Variants in TMEM33 observed in about 807,000 individuals in gnomAD.
TMEM33 encodes the protein transmembrane protein 33.
Under a neutral mutation model 29.7 loss-of-function variants are expected in TMEM33, and 16 were observed. The ratio of observed to expected loss-of-function variants is 0.54; its 90% CI spans 0.36 to 0.82. The LOEUF (loss-of-function observed/expected upper bound fraction) is 0.82, where lower values mean the gene tolerates loss of function less well. TMEM33 is among the 40% of genes least tolerant of loss of function. TMEM33 has a pLI of 0.00. For missense variants in TMEM33, 252 were observed against 295.3 expected (o/e 0.85, Z 1.08); for synonymous variants, 112 against 109.4 (o/e 1.02, Z -0.15).
At chr4:41,954,017 C>A in intron 6 of TMEM33, 53 bp from the exon 7 acceptor site, 1 of 1,600,614 alleles carries the variant, frequency 6.2e-7, no homozygotes, top group South Asian at 1.1e-5. Context: ...TGAGGTAAGC[C>A]TGTGTATTGC....
chr4:41,938,542 T>G, intron 1 of TMEM33, 60 bp from the exon 2 acceptor site: 1 of 1,487,752 alleles, frequency 6.7e-7, no homozygotes, highest in East Asian at 2.3e-5. Flanking sequence ...CCACACAGTC[T>G]TGATGCTTAA....
At chr4:41,949,830 G>A (rs1384439736) in intron 6 of TMEM33, among the ~76,000 whole-genome samples, 1 of 152,120 alleles carries the variant, frequency 6.6e-6, no homozygotes, top group Non-Finnish European at 1.5e-5. Context: ...ATGAGCCCAG[G>A]AAGGTTTCAC....
At position 41,955,800 on chromosome 4, in the gene TMEM33, G is replaced by A. The variant is rs1462751353; in HGVS notation, c.*1601G>A. 2 of 152,564 alleles carry A rather than the reference G, an allele frequency of 1.3e-5. No individual in the cohort carries two copies. Among genetic ancestry groups the A allele is most frequent in the African/African-American group, 4.8e-5 (2 of 41,424 alleles). The allele number at this position is 152,564 out of a possible 1,614,324, so 9.5% of individuals were successfully genotyped here. A position where few individuals can be genotyped will look rare whatever the true frequency, so the allele number is the denominator to read the frequency against. On this transcript the variant is annotated 3_prime_UTR_variant, in exon 7 of 7. Coordinates refer to ENST00000504986, the MANE Select transcript of TMEM33 (RefSeq NM_018126.3). ...TCTAGAGCAATAAAATGACTATAAT[G>A]TTAAGTAAACATAATGTTGATTTCT...
At position 41,955,991 on chromosome 4, in the gene TMEM33, T is replaced by A. The variant is rs1713245405; in HGVS notation, c.*1792T>A. 4 of 152,304 alleles carry A rather than the reference T, an allele frequency of 2.6e-5. No individual in the cohort carries two copies. The allele number at this position is 152,304 out of a possible 1,614,324, so 9.4% of individuals were successfully genotyped here. On this transcript the variant is annotated 3_prime_UTR_variant, in exon 7 of 7. Transcript: ENST00000504986. ...AGAGTTTTTTTGTTGTTGTTTTTGT[T>A]TTTTGAGACAGAGTCTGTCTCTGTC...
intron 3 of TMEM33, among the ~76,000 whole-genome samples, chr4:41,943,043 G>A (rs939847730): frequency 2.0e-5 from 3 of 152,164 alleles, no homozygotes; most frequent in African/African-American, 7.2e-5. Flanking sequence ...GATTGTGAAA[G>A]CACTGTAAAA....
At chr4:41,943,613 TATC>T (rs1167894427) in intron 3 of TMEM33, 131 bp from the exon 4 acceptor site, 1 of 685,258 alleles carries the variant, frequency 1.5e-6, no homozygotes, top group African/African-American at 1.8e-5. Flanking sequence ...GCTTAAAGTG[TATC>T]AGTAAAACAA....
chr4:41,944,951 G>A (rs1442490505), intron 5 of TMEM33, 25 bp downstream of exon 5: 6 of 1,606,158 alleles, frequency 3.7e-6, no homozygotes, highest in Non-Finnish European at 3.4e-6. Context: ...TATTTGTTTT[G>A]GGAGGCTGAT....
rs1713176187 is a variant in TMEM33, at chr4:41,954,447, G to GT, written c.*255dup. The GT allele has an allele frequency of 1.6e-5, 4 of 254,134 alleles. No individual in the cohort carries two copies. The highest frequency in any genetic ancestry group is 1.0e-4 in the Admixed American group (2 of 19,214). The allele number at this position is 254,134 out of a possible 1,614,324, so 15.7% of individuals were successfully genotyped here. A position where few individuals can be genotyped will look rare whatever the true frequency, so the allele number is the denominator to read the frequency against. ...TCTGTATCTAGTGATAAATATACCA[G>GT]TTTTTTTAAAAAGATGCTGTTGTGC... On this transcript the variant is annotated 3_prime_UTR_variant, in exon 7 of 7. Coordinates refer to ENST00000504986, the MANE Select transcript of TMEM33 (RefSeq NM_018126.3).
Position 41,959,755 on chromosome 4 carries a change from A to G in TMEM33, c.*5556A>G, listed in dbSNP as rs984181850. On this transcript the variant is annotated 3_prime_UTR_variant, in exon 7 of 7. Coordinates refer to ENST00000504986, the MANE Select transcript of TMEM33 (RefSeq NM_018126.3). ...ATCGGTGAAGTGTTGAGCAAGTAACATTTATGATGTGTGTATATTGGAACA... is the reference window on the plus strand; with the variant it reads ...ATCGGTGAAGTGTTGAGCAAGTAACGTTTATGATGTGTGTATATTGGAACA... 1 of 152,198 alleles carries G rather than the reference A, an allele frequency of 6.6e-6. No individual in the cohort carries two copies. The highest frequency in any genetic ancestry group is 6.5e-5 in the Admixed American group (1 of 15,284). 9.4% of individuals were successfully genotyped at this position (152,198 alleles called of 1,614,324 possible). A position where few individuals can be genotyped will look rare whatever the true frequency, so the allele number is the denominator to read the frequency against.
At chr4:41,939,533 C>T in intron 3 of TMEM33, 150 bp downstream of exon 3, 2 of 866,452 alleles carry the variant, frequency 2.3e-6, no homozygotes, top group South Asian at 3.4e-5. Context: ...GTAAGAATTT[C>T]TGACTTTAAA....
chr4:41,954,445 C>A lies in TMEM33; in HGVS notation c.*246C>A. ...AGTCTGTATCTAGTGATAAATATAC[C>A]AGTTTTTTTAAAAAGATGCTGTTGT... On this transcript the variant is annotated 3_prime_UTR_variant, in exon 7 of 7. Coordinates refer to ENST00000504986, the MANE Select transcript of TMEM33 (RefSeq NM_018126.3). 3.7e-6 allele frequency: 1 copy of A among 267,150 alleles called. No individual in the cohort carries two copies. Among genetic ancestry groups the A allele is most frequent in the Non-Finnish European group, 7.0e-6 (1 of 142,062 alleles). The allele number at this position is 267,150 out of a possible 1,614,324, so 16.5% of individuals were successfully genotyped here. A position where few individuals can be genotyped will look rare whatever the true frequency, so the allele number is the denominator to read the frequency against.
intron 3 of TMEM33, among the ~76,000 whole-genome samples, chr4:41,941,850 G>A (rs1263285466): frequency 6.6e-6 from 1 of 152,046 alleles, no homozygotes; most frequent in Non-Finnish European, 1.5e-5. Flanking sequence ...TAACAGATAG[G>A]GCATTTCACC....
chr4:41,935,604 G>C, intron 1 of TMEM33, 75 bp downstream of exon 1: 1 of 1,480,884 alleles, frequency 6.8e-7, no homozygotes, highest in East Asian at 2.4e-5. Context: ...CGAGTCCCGA[G>C]GCGTTCCAGA....
chr4:41,942,040 A>G (rs1472062182), intron 3 of TMEM33, among the ~76,000 whole-genome samples: 2 of 152,314 alleles, frequency 1.3e-5, no homozygotes, highest in Middle Eastern at 3.4e-3. Flanking sequence ...GACCTAGGAA[A>G]ATTAGGTTAG....
intron 1 of TMEM33, among the ~76,000 whole-genome samples, chr4:41,937,025 C>G (rs1234296483): frequency 6.6e-6 from 1 of 150,998 alleles, no homozygotes; most frequent in African/African-American, 2.4e-5. Context: ...AATATTGCTC[C>G]TCAACAATTT....
intron 6 of TMEM33, among the ~76,000 whole-genome samples, chr4:41,950,738 T>G (rs941220803): frequency 6.6e-6 from 1 of 152,206 alleles, no homozygotes; most frequent in Non-Finnish European, 1.5e-5. Context: ...TATATTCATT[T>G]CAGACATTAT....
chr4:41,939,922 A>G, intron 3 of TMEM33: 1 of 387,190 alleles, frequency 2.6e-6, no homozygotes, highest in Non-Finnish European at 5.0e-6. Flanking sequence ...CTAATGAGAA[A>G]TAATTCATTT....
rs149451726 is a variant in TMEM33, at chr4:41,955,053, C to T, written c.*854C>T. On this transcript the variant is annotated 3_prime_UTR_variant, in exon 7 of 7. Coordinates refer to ENST00000504986, the MANE Select transcript of TMEM33 (RefSeq NM_018126.3). ...CTGCCAGTTTTCTTGGTTTCTTAGGCTTGAATTTTCATAGACAATTGCAAC... is the reference window on the plus strand; with the variant it reads ...CTGCCAGTTTTCTTGGTTTCTTAGGTTTGAATTTTCATAGACAATTGCAAC... 0.012 allele frequency: 1,792 copies of T among 152,676 alleles called. 12 individuals are homozygous for T. The highest frequency in any genetic ancestry group is 0.018 in the Non-Finnish European group (1,234 of 68,020). 9.5% of individuals were successfully genotyped at this position (152,676 alleles called of 1,614,324 possible).
chr4:41,958,700 C>CTTTTTTTTTTTTTTTTTTT lies in TMEM33; in HGVS notation c.*4509_*4527dup, dbSNP rs750862386. The CTTTTTTTTTTTTTTTTTTT allele has an allele frequency of 1.4e-4, 13 of 93,790 alleles. No individual in the cohort carries two copies. Among genetic ancestry groups the CTTTTTTTTTTTTTTTTTTT allele is most frequent in the Non-Finnish European group, 2.1e-4 (10 of 47,330 alleles). The allele number at this position is 93,790 out of a possible 1,614,324, so 5.8% of individuals were successfully genotyped here. A position where few individuals can be genotyped will look rare whatever the true frequency, so the allele number is the denominator to read the frequency against. On this transcript the variant is annotated 3_prime_UTR_variant, in exon 7 of 7. Transcript: ENST00000504986. The stretch of plus-strand genomic sequence containing the variant: ...GTAGAGACAACTAGTTTCTCTCGCT[C>CTTTTTTTTTTTTTTTTTTT]TTTTTTTTTTTTTTTTTTTTTTTTT...
Sources: allele counts gnomAD v4.1 joint callset (sites outside exome capture counted in the v4.1 genomes callset), GRCh38; gene constraint gnomAD v4.1.1; transcripts MANE v1.5; gene names NCBI Gene and HGNC (gene_info 2026-07-23, HGNC 2026-07-21).